Variants in EXOC4 observed in about 807,000 individuals in gnomAD.
EXOC4 encodes SEC8-like 1.
In EXOC4, 71 loss-of-function variants were observed where a neutral mutation model predicts 107.2. The ratio of observed to expected loss-of-function variants is 0.66; its 90% CI spans 0.55 to 0.81. The LOEUF is 0.81. Among genes scored for constraint, EXOC4 ranks in the 30% least tolerant of loss-of-function variants. The pLI is 0.00. For missense variants in EXOC4, 1,108 were observed against 1,189.6 expected (o/e 0.93, Z 1.01); for synonymous variants, 456 against 441.2 (o/e 1.03, Z -0.42).
intron 9 of EXOC4, among the ~76,000 whole-genome samples, chr7:133,554,346 T>C (rs551796037): frequency 4.6e-5 from 7 of 152,294 alleles, no homozygotes; most frequent in African/African-American, 1.7e-4. Flanking sequence ...ATGTTTAAAT[T>C]CTAAGTTCCT....
chr7:133,686,660 C>G (rs543310148), intron 10 of EXOC4, among the ~76,000 whole-genome samples: 11 of 152,088 alleles, frequency 7.2e-5, no homozygotes, highest in Admixed American at 6.6e-5. Flanking sequence ...ATCAAAACCA[C>G]AATGCGATAC....
intron 5 of EXOC4, among the ~76,000 whole-genome samples, chr7:133,344,535 C>G (rs1795741525): frequency 6.6e-6 from 1 of 152,172 alleles, no homozygotes; most frequent in South Asian, 2.1e-4. Flanking sequence ...TTTTAGCTGT[C>G]TTGTCATCGG....
At chr7:133,279,217 C>A (rs1321260047) in intron 2 of EXOC4, among the ~76,000 whole-genome samples, 1 of 152,200 alleles carries the variant, frequency 6.6e-6, no homozygotes, top group East Asian at 1.9e-4. Context: ...TCCAGACTAT[C>A]ATTGTTGGGC....
chr7:133,603,961 T>C (rs1801871474), intron 9 of EXOC4, among the ~76,000 whole-genome samples: 1 of 152,172 alleles, frequency 6.6e-6, no homozygotes, highest in Non-Finnish European at 1.5e-5. Context: ...TACAAAAATA[T>C]TTTCATTATA....
rs187225426 is a variant in EXOC4 at position 133,722,196 on chromosome 7, G to A, written c.1514+92055G>A. ...CCTGTATCCCATTTGGGACTTGGAC[G>A]CCTGAAAACTGTTCTTTCATTGCAA... On this transcript the variant is annotated intron_variant, in intron 10 of 17. Coordinates refer to ENST00000253861, the MANE Select transcript of EXOC4 (RefSeq NM_021807.4). 5.2e-4 allele frequency among the ~76,000 whole-genome samples: 79 copies of A among 152,296 alleles called. 1 individual carries two copies. The highest frequency in any genetic ancestry group is 9.9e-4 in the Non-Finnish European group (67 of 68,018).
At chr7:133,984,200 A>G (rs551599319) in intron 14 of EXOC4, among the ~76,000 whole-genome samples, 4 of 152,132 alleles carry the variant, frequency 2.6e-5, no homozygotes, top group Admixed American at 6.5e-5. Flanking sequence ...ACCAGATGCA[A>G]TTTTCTCTCT....
At chr7:133,458,532 T>A (rs1204551890) in intron 7 of EXOC4, among the ~76,000 whole-genome samples, 1 of 152,210 alleles carries the variant, frequency 6.6e-6, no homozygotes, top group South Asian at 2.1e-4. Context: ...CAGAATTGAT[T>A]GAAAACGTGT....
At chr7:133,792,597 T>C (rs1049474373) in intron 10 of EXOC4, among the ~76,000 whole-genome samples, 3 of 150,126 alleles carry the variant, frequency 2.0e-5, no homozygotes, top group Non-Finnish European at 4.4e-5. Flanking sequence ...TTTTACATTG[T>C]CCGTAGAAGG....
intron 10 of EXOC4, among the ~76,000 whole-genome samples, chr7:133,796,379 G>A: frequency 6.6e-6 from 1 of 152,186 alleles, no homozygotes; most frequent in East Asian, 1.9e-4. Flanking sequence ...GATCAAGGCT[G>A]CCCAGAAAGA....
At chr7:133,287,650 T>C (rs1041408628) in intron 2 of EXOC4, among the ~76,000 whole-genome samples, 5 of 152,194 alleles carry the variant, frequency 3.3e-5, no homozygotes, top group Non-Finnish European at 7.3e-5. Context: ...GGTCTTCTTA[T>C]TAAAGACTTT....
chr7:133,978,776 C>CT (rs914764105), intron 14 of EXOC4, among the ~76,000 whole-genome samples: 25 of 152,218 alleles, frequency 1.6e-4, no homozygotes, highest in African/African-American at 6.0e-4. Flanking sequence ...GCCTGAGCAT[C>CT]TTTCTGCCAC....
Position 133,631,814 on chromosome 7 carries a change from C to T in EXOC4, c.1514+1673C>T, listed in dbSNP as rs1398995635. Among the ~76,000 whole-genome samples the T allele has an allele frequency of 3.6e-4, 54 of 152,096 alleles. 1 individual carries two copies. Among genetic ancestry groups the T allele is most frequent in the Non-Finnish European group, 5.9e-5 (4 of 67,896 alleles). On this transcript the variant is annotated intron_variant, in intron 10 of 17. Coordinates refer to ENST00000253861, the MANE Select transcript of EXOC4 (RefSeq NM_021807.4). ...TAGTTTTCACTGTCTTCTTCAATTACAATTGATTTCTACTTAGGTAATGTT... is the reference window on the plus strand; with the variant it reads ...TAGTTTTCACTGTCTTCTTCAATTATAATTGATTTCTACTTAGGTAATGTT...
chr7:133,464,600 C>G (rs747441841), intron 7 of EXOC4, among the ~76,000 whole-genome samples: 3 of 151,918 alleles, frequency 2.0e-5, no homozygotes, highest in South Asian at 2.1e-4. Context: ...GGAGTATTTC[C>G]TAAGGACACA....
At chr7:133,368,759 G>C (rs1243782044) in intron 6 of EXOC4, among the ~76,000 whole-genome samples, 3 of 152,126 alleles carry the variant, frequency 2.0e-5, no homozygotes. Context: ...ACTACATACT[G>C]TTTTGTGGCT....
intron 13 of EXOC4, among the ~76,000 whole-genome samples, chr7:133,936,555 T>A (rs1458884129): frequency 6.6e-6 from 1 of 152,236 alleles, no homozygotes; most frequent in Non-Finnish European, 1.5e-5. Context: ...TCCAGGTGCC[T>A]ATTTCAACCT....
intron 7 of EXOC4, among the ~76,000 whole-genome samples, chr7:133,379,427 A>G (rs1796564266): frequency 6.6e-6 from 1 of 152,112 alleles, no homozygotes; most frequent in Admixed American, 6.6e-5. Flanking sequence ...CACTTTAAAC[A>G]TAAAATTAAA....
At chr7:134,043,597 C>T (rs552475169) in intron 17 of EXOC4, among the ~76,000 whole-genome samples, 2 of 150,434 alleles carry the variant, frequency 1.3e-5, no homozygotes, top group Admixed American at 6.6e-5. Flanking sequence ...TTGGTGCATT[C>T]AGGGTCCTCC....
chr7:133,387,221 G>A (rs1257471083), intron 7 of EXOC4, among the ~76,000 whole-genome samples: 2 of 152,118 alleles, frequency 1.3e-5, no homozygotes, highest in Admixed American at 1.3e-4. Flanking sequence ...AGTCTTAAGG[G>A]GTTGAAGAGG....
At chr7:133,564,396 G>T (rs1395436504) in intron 9 of EXOC4, among the ~76,000 whole-genome samples, 1 of 152,074 alleles carries the variant, frequency 6.6e-6, no homozygotes, top group Non-Finnish European at 1.5e-5. Flanking sequence ...CTACGATCCA[G>T]TCACCTCCTA....
Sources: gnomAD v4.1 joint callset for allele counts (sites outside exome capture counted in the v4.1 genomes callset) on GRCh38, gnomAD v4.1.1 for gene constraint, MANE v1.5 for transcripts, NCBI Gene and HGNC (gene_info 2026-07-23, HGNC 2026-07-21) for gene names.